The following RFX1 variants were observed in gnomAD, a reference collection of about 807,000 sequenced individuals.
RFX1 encodes MHC class II regulatory factor RFX1.
RFX1 carries 42 observed loss-of-function variants against 119.6 expected under a neutral mutation model. The ratio of observed to expected loss-of-function variants is 0.35; its 90% CI spans 0.27 to 0.45. The LOEUF is 0.45. RFX1 is among the 20% of genes least tolerant of loss of function. RFX1 has a pLI of 1.00. For synonymous variants in RFX1, 628 were observed against 618.5 expected (o/e 1.02, Z -0.23); for missense variants, 1,118 against 1,368.1 (o/e 0.82, Z 2.88).
rs1214258279 is a variant in RFX1 at position 13,963,915 on chromosome 19, G to C, written c.2304C>G (p.Thr768=). The C allele has an allele frequency of 1.4e-5, 21 of 1,550,098 alleles. No individual in the cohort carries two copies. Among genetic ancestry groups the C allele is most frequent in the Non-Finnish European group, 1.8e-5 (21 of 1,148,730 alleles). Residue 768 remains threonine (T), a synonymous_variant, in exon 17 of 21, where the codon ACC becomes ACG. Transcript: ENST00000254325. The part of the protein sequence containing the change: ...AQAARAVLQN[T]AQINQMLSDL... ...CGCTCAGCATCTGGTTGATCTGTGC[G>C]GTGTTCTGCAGCACAGCGCGCGCCG...
chr19:13,983,646 C>A (rs751996060), intron 2 of RFX1, 51 bp from the exon 3 acceptor site: 11 of 1,466,024 alleles, frequency 7.5e-6, no homozygotes, highest in Middle Eastern at 1.7e-4. Flanking sequence ...CTGCCCCCAG[C>A]CTAAGCCTGA....
chr19:13,972,115 G>A (rs903849229), intron 9 of RFX1, among the ~76,000 whole-genome samples: 2 of 148,976 alleles, frequency 1.3e-5, no homozygotes, highest in African/African-American at 5.0e-5. Context: ...GCTGCAGTGA[G>A]CTATGATTAC....
At chr19:13,971,088 C>T (rs1396220792) in intron 9 of RFX1, among the ~76,000 whole-genome samples, 2 of 151,924 alleles carry the variant, frequency 1.3e-5, no homozygotes, top group African/African-American at 4.8e-5. Context: ...AATCCCAACA[C>T]TTTGGGAGGC....
In RFX1 at chr19:13,973,129, T is replaced by C. The variant is rs1568464429; in HGVS notation, c.930-2A>G. 1 of 1,495,628 alleles carries C rather than the reference T, an allele frequency of 6.7e-7. No homozygotes were observed. Among genetic ancestry groups the C allele is most frequent in the Non-Finnish European group, 8.9e-7 (1 of 1,127,146 alleles). 92.6% of individuals were successfully genotyped at this position (1,495,628 alleles called of 1,614,324 possible). On this transcript the variant is annotated splice_acceptor_variant, in intron 8 of 20. Coordinates refer to ENST00000254325, the MANE Select transcript of RFX1 (RefSeq NM_002918.5). LOFTEE classifies it high-confidence loss of function. ...GGATAGGAGTAGGTGCTGGAACGGC[T>C]GGGAAAGAGGCAAAGCCAAGGGAGA...
At chr19:13,979,400 C>T (rs762487891) in intron 7 of RFX1, 47 bp downstream of exon 7, 13 of 1,399,038 alleles carry the variant, frequency 9.3e-6, no homozygotes, top group Middle Eastern at 2.6e-4. Context: ...CAGCCCCAGC[C>T]CGGGACCAGC....
intron 2 of RFX1, among the ~76,000 whole-genome samples, chr19:13,989,342 G>T (rs574811406): frequency 2.0e-5 from 3 of 152,116 alleles, no homozygotes; most frequent in Non-Finnish European, 2.9e-5. Flanking sequence ...TAGGGGCACA[G>T]GGTGTGTGGA....
Position 13,966,368 on chromosome 19 carries a change from G to GT in RFX1, c.1961+52_1961+53insA. ...AACCCTGGCCATCAAAATCACCTGC[G>GT]GGTCATGCCCTCCTCCCCCCTCTCC... On this transcript the variant is annotated intron_variant, in intron 14 of 20. Transcript: ENST00000254325. The surrounding 1 kb of genome is among the most constrained non-coding windows in gnomAD (Gnocchi z 6.3). The GT allele has an allele frequency of 5.1e-6, 6 of 1,175,674 alleles. No homozygotes were observed. Among genetic ancestry groups the GT allele is most frequent in the Non-Finnish European group, 7.6e-6 (6 of 788,076 alleles). The allele number at this position is 1,175,674 out of a possible 1,614,324, so 72.8% of individuals were successfully genotyped here.
In RFX1 at chr19:13,993,566, G is replaced by C; in HGVS notation, c.278C>G (p.Pro93Arg). The change falls in exon 2 of 21, where the codon CCT becomes CGT. Residue 93 changes from proline (P) to arginine (R), a missense_variant. By Grantham distance (103) the Pro-to-Arg change is moderately radical (BLOSUM62 -2). Coordinates refer to ENST00000254325, the MANE Select transcript of RFX1 (RefSeq NM_002918.5). ...APSQPTGAPT[P>R]SPAPQQYIVV... Reference sequence around the variant, plus strand: ...GATGTACTGCTGGGGTGCAGGCGAAGGGGTGGGTGCACCGGTTGGCTGCGA... The same window carrying C: ...GATGTACTGCTGGGGTGCAGGCGAACGGGTGGGTGCACCGGTTGGCTGCGA... 1 of 1,613,204 alleles carries C rather than the reference G, an allele frequency of 6.2e-7. No individual in the cohort carries two copies. The highest frequency in any genetic ancestry group is 2.2e-5 in the East Asian group (1 of 44,856).
intron 1 of RFX1, among the ~76,000 whole-genome samples, chr19:13,999,379 T>C (rs1287925110): frequency 2.6e-5 from 4 of 152,162 alleles, no homozygotes; most frequent in Non-Finnish European, 5.9e-5. Context: ...CAAAGTTCTG[T>C]AAGGGCCAAG....
chr19:13,979,667 C>T, intron 6 of RFX1, 125 bp from the exon 7 acceptor site: 2 of 534,160 alleles, frequency 3.7e-6, no homozygotes, highest in East Asian at 6.5e-5. Context: ...CACCATTCTC[C>T]AGCCAAGCAA....
At chr19:13,996,009 T>A (rs1468303574) in intron 1 of RFX1, among the ~76,000 whole-genome samples, 1 of 151,944 alleles carries the variant, frequency 6.6e-6, no homozygotes, top group Non-Finnish European at 1.5e-5. Context: ...CACTCCAGCC[T>A]CAGTGACACA....
Position 14,006,296 on chromosome 19 carries a change from C to T in RFX1, c.-246G>A, listed in dbSNP as rs1448560354. 1 of 152,128 alleles carries T rather than the reference C, an allele frequency of 6.6e-6. No individual in the cohort carries two copies. The highest frequency in any genetic ancestry group is 1.9e-4 in the East Asian group (1 of 5,160). 9.4% of individuals were successfully genotyped at this position (152,128 alleles called of 1,614,324 possible). On this transcript the variant is annotated 5_prime_UTR_variant, in exon 1 of 21. Transcript: ENST00000254325. ...GCCACGACTACCGTGGCTATGGCGC[C>T]TCCGTTTCCCTCACCGGGGCAACTG...
At position 13,983,604 on chromosome 19, in the gene RFX1, AG is replaced by A; in HGVS notation, c.320-10del. 6.3e-7 allele frequency: 1 copy of A among 1,583,940 alleles called. No homozygotes were observed. On this transcript the variant is annotated splice_polypyrimidine_tract_variant and intron_variant, in intron 2 of 20. Coordinates refer to ENST00000254325, the MANE Select transcript of RFX1 (RefSeq NM_002918.5). Reference sequence around the variant, plus strand: ...GGCCCGCATGGCACCTTCTGTGGGGAGGGGCCACCAGGTCAGTTCTTCCTGC... The same window carrying A: ...GGCCCGCATGGCACCTTCTGTGGGGAGGGCCACCAGGTCAGTTCTTCCTGC...
In RFX1 at chr19:13,972,729, G is replaced by T; in HGVS notation, c.1314+14C>A. The T allele has an allele frequency of 6.3e-7, 1 of 1,579,780 alleles. No individual in the cohort carries two copies. On this transcript the variant is annotated intron_variant, in intron 9 of 20. Transcript: ENST00000254325. ...ACTGCCTGCCTCCTCTGGGGCCCGC[G>T]TTGGGGCACTTACCGTGGCTGGCGA...
chr19:13,994,893 C>CATACATATATATAT (rs58399098), intron 1 of RFX1, among the ~76,000 whole-genome samples: 10 of 59,278 alleles, frequency 1.7e-4, no homozygotes, highest in African/African-American at 4.5e-4. Flanking sequence ...AATATACATA[C>CATACATATATATAT]ATATATATAT....
In RFX1 at chr19:13,986,609, A is replaced by G. The variant is rs554102899; in HGVS notation, c.320-3014T>C. The stretch of plus-strand genomic sequence containing the variant: ...AGTCTGCGAGCGAGCGTCTGCATCT[A>G]TCTGCCGGAGATCGCCACTCTGGGC... On this transcript the variant is annotated intron_variant, in intron 2 of 20. Coordinates refer to ENST00000254325, the MANE Select transcript of RFX1 (RefSeq NM_002918.5). The surrounding 1 kb of genome is among the most constrained non-coding windows in gnomAD (Gnocchi z 4.2). Among the ~76,000 whole-genome samples, 10 of 152,198 alleles carry G rather than the reference A, an allele frequency of 6.6e-5. No homozygotes were observed. Among genetic ancestry groups the G allele is most frequent in the African/African-American group, 2.4e-4 (10 of 41,528 alleles).
In RFX1 at chr19:13,969,867, G is replaced by T; in HGVS notation, c.1496+127C>A. ...TAGAGTGGGAGTGAGCGGGGCTGTCGAGGAGCCTCGCAGAGGCCGGCGGGA... is the reference window on the plus strand; with the variant it reads ...TAGAGTGGGAGTGAGCGGGGCTGTCTAGGAGCCTCGCAGAGGCCGGCGGGA... On this transcript the variant is annotated intron_variant, in intron 10 of 20. Coordinates refer to ENST00000254325, the MANE Select transcript of RFX1 (RefSeq NM_002918.5). This position sits in a 1 kb window ranked among gnomAD's most constrained non-coding sequence, Gnocchi z 4.5. 2 of 914,672 alleles carry T rather than the reference G, an allele frequency of 2.2e-6. No individual in the cohort carries two copies. Among genetic ancestry groups the T allele is most frequent in the Non-Finnish European group, 3.3e-6 (2 of 614,826 alleles). The allele number at this position is 914,672 out of a possible 1,614,324, so 56.7% of individuals were successfully genotyped here.
chr19:13,983,478 C>T lies in RFX1; in HGVS notation c.429+8G>A, dbSNP rs930934126. The T allele has an allele frequency of 3.3e-5, 52 of 1,594,126 alleles. No individual in the cohort carries two copies. The highest frequency in any genetic ancestry group is 4.4e-5 in the Non-Finnish European group (51 of 1,171,760). On this transcript the variant is annotated splice_region_variant and intron_variant, in intron 3 of 20. Transcript: ENST00000254325. Reference sequence around the variant, plus strand: ...CCTCCCCCACCCCCTGGGAGGGCCACATCCTACCTGCTGGGTGCCCTGCAC... The same window carrying T: ...CCTCCCCCACCCCCTGGGAGGGCCATATCCTACCTGCTGGGTGCCCTGCAC...
rs768633276 is a variant in RFX1, at chr19:13,968,516, C to T, written c.1732+49G>A. Reference sequence around the variant, plus strand: ...CATCCAGCTTTGGGAACCGTCTGCACGGGGCAGGGAGGCGGTGGTTGGGGA... The same window carrying T: ...CATCCAGCTTTGGGAACCGTCTGCATGGGGCAGGGAGGCGGTGGTTGGGGA... On this transcript the variant is annotated intron_variant, in intron 12 of 20. Coordinates refer to ENST00000254325, the MANE Select transcript of RFX1 (RefSeq NM_002918.5). This position sits in a 1 kb window ranked among gnomAD's most constrained non-coding sequence, Gnocchi z 5.5. The T allele has an allele frequency of 6.8e-6, 10 of 1,466,818 alleles. No homozygotes were observed. The highest frequency in any genetic ancestry group is 4.2e-5 in the African/African-American group (3 of 72,062). The allele number at this position is 1,466,818 out of a possible 1,614,324, so 90.9% of individuals were successfully genotyped here.
Sources: gnomAD v4.1 joint callset for allele counts (sites outside exome capture counted in the v4.1 genomes callset) on GRCh38, gnomAD v4.1.1 for gene constraint, Gnocchi (gnomAD v3.1) non-coding constraint, MANE v1.5 for transcripts, NCBI Gene and HGNC (gene_info 2026-07-23, HGNC 2026-07-21) for gene names.